KCNH5: variants seen among roughly 807,000 people sequenced by gnomAD.
KCNH5 encodes the protein voltage-gated delayed rectifier potassium channel KCNH5.
Under a neutral mutation model 96.1 loss-of-function variants are expected in KCNH5, and 46 were observed. That is an observed-to-expected ratio of 0.48 (90% CI 0.38 to 0.61). The LOEUF (loss-of-function observed/expected upper bound fraction) is 0.61. Among genes scored for constraint, KCNH5 ranks in the 20% least tolerant of loss-of-function variants. KCNH5 has a pLI of 0.00. For synonymous variants in KCNH5, 439 were observed against 449.8 expected, an observed-to-expected ratio of 0.98 and a Z score of 0.30; for missense variants, 907 against 1,225.8, an observed-to-expected ratio of 0.74 and a Z score of 3.88.
At chr14:62,966,845 G>C (rs1890314245) in intron 6 of KCNH5, among the ~76,000 whole-genome samples, 1 of 152,012 alleles carries the variant, frequency 6.6e-6, no homozygotes, top group Admixed American at 6.6e-5. Flanking sequence ...CACTCCCCTA[G>C]CCACTCCCTG....
At chr14:62,805,629 A>G (rs1204114801) in intron 8 of KCNH5, among the ~76,000 whole-genome samples, 1 of 152,190 alleles carries the variant, frequency 6.6e-6, no homozygotes, top group Non-Finnish European at 1.5e-5. Flanking sequence ...ATTATCATTC[A>G]AGACCTGGCC....
chr14:62,775,732 T>C (rs1439816183), intron 10 of KCNH5, among the ~76,000 whole-genome samples: 1 of 152,228 alleles, frequency 6.6e-6, no homozygotes, highest in Non-Finnish European at 1.5e-5. Flanking sequence ...ATGCCCACTG[T>C]TGTCCCCATT....
chr14:62,843,330 C>A (rs1887622976), intron 8 of KCNH5, among the ~76,000 whole-genome samples: 1 of 150,804 alleles, frequency 6.6e-6, no homozygotes, highest in Admixed American at 6.6e-5. Context: ...TTTCTTGATT[C>A]AAAGGCTAGA....
At chr14:62,859,377 G>A (rs1433923516) in intron 7 of KCNH5, among the ~76,000 whole-genome samples, 2 of 152,134 alleles carry the variant, frequency 1.3e-5, no homozygotes, top group African/African-American at 4.8e-5. Flanking sequence ...TTTGTTCATG[G>A]GCGATGACGG....
intron 7 of KCNH5, among the ~76,000 whole-genome samples, chr14:62,860,783 C>T (rs542275462): frequency 6.6e-6 from 1 of 152,320 alleles, no homozygotes; most frequent in East Asian, 1.9e-4. Context: ...CAAAGGCTAA[C>T]TTAGTCACTA....
intron 8 of KCNH5, among the ~76,000 whole-genome samples, chr14:62,817,893 T>C (rs1887025789): frequency 8.0e-6 from 1 of 124,516 alleles, no homozygotes; most frequent in Admixed American, 8.7e-5. Flanking sequence ...TAAATATAAA[T>C]ATAAATATAA....
chr14:62,999,606 C>T (rs1254210862), intron 4 of KCNH5, among the ~76,000 whole-genome samples: 7 of 149,738 alleles, frequency 4.7e-5, no homozygotes, highest in South Asian at 2.1e-4. Context: ...AGTAAACTAT[C>T]GCAAGGACAA....
chr14:62,820,882 A>G (rs1192196549), intron 8 of KCNH5, among the ~76,000 whole-genome samples: 2 of 151,964 alleles, frequency 1.3e-5, no homozygotes, highest in Non-Finnish European at 2.9e-5. Context: ...TCAAATTTAT[A>G]TTCTTTGGGG....
Position 62,705,846 on chromosome 14 carries a change from T to C in KCNH5, c.*1662A>G, listed in dbSNP as rs576238160. On this transcript the variant is annotated 3_prime_UTR_variant, in exon 11 of 11. Transcript: ENST00000322893. ...TAATAGATCAAGATATCTCCTTCGATTTTGCCATCATCTTTTGCATATTGT... is the reference window on the plus strand; with the variant it reads ...TAATAGATCAAGATATCTCCTTCGACTTTGCCATCATCTTTTGCATATTGT... 6.6e-6 allele frequency: 1 copy of C among 152,198 alleles called. No homozygotes were observed. Among genetic ancestry groups the C allele is most frequent in the Admixed American group, 6.5e-5 (1 of 15,282 alleles). The allele number at this position is 152,198 out of a possible 1,614,324, so 9.4% of individuals were successfully genotyped here.
At chr14:62,837,041 G>A (rs1887479197) in intron 8 of KCNH5, among the ~76,000 whole-genome samples, 1 of 152,144 alleles carries the variant, frequency 6.6e-6, no homozygotes, top group Non-Finnish European at 1.5e-5. Flanking sequence ...TAGGATGTTT[G>A]TGATCATTAC....
chr14:62,754,588 T>G (rs1336214376), intron 10 of KCNH5, among the ~76,000 whole-genome samples: 2 of 151,648 alleles, frequency 1.3e-5, no homozygotes, highest in South Asian at 2.1e-4. Context: ...ATAAAAAAAA[T>G]AGAGCCAGGA....
chr14:62,785,421 G>A (rs1489578907), intron 9 of KCNH5, among the ~76,000 whole-genome samples: 1 of 152,106 alleles, frequency 6.6e-6, no homozygotes, highest in Non-Finnish European at 1.5e-5. Context: ...ACACTTTCAG[G>A]GCTGGGAACT....
At chr14:62,960,189 T>C (rs1890180190) in intron 6 of KCNH5, among the ~76,000 whole-genome samples, 1 of 152,198 alleles carries the variant, frequency 6.6e-6, no homozygotes. Flanking sequence ...CTCAGCCTAG[T>C]TGGCTCTATC....
At chr14:63,039,177 C>G (rs1439181880) in intron 1 of KCNH5, among the ~76,000 whole-genome samples, 1 of 152,000 alleles carries the variant, frequency 6.6e-6, no homozygotes, top group African/African-American at 2.4e-5. Context: ...TATATGGTTT[C>G]TAACCCACCA....
intron 10 of KCNH5, among the ~76,000 whole-genome samples, chr14:62,769,093 G>C (rs1199206652): frequency 1.3e-5 from 2 of 152,184 alleles, no homozygotes; most frequent in East Asian, 1.9e-4. Context: ...GCTTGGAGTT[G>C]AAAAACTGAG....
At chr14:63,022,025 C>CA (rs1384219678) in intron 1 of KCNH5, among the ~76,000 whole-genome samples, 2 of 152,092 alleles carry the variant, frequency 1.3e-5, no homozygotes, top group East Asian at 3.9e-4. Flanking sequence ...ATCTCCAAAC[C>CA]AAACCTCTTC....
At chr14:62,832,583 T>G (rs910727929) in intron 8 of KCNH5, among the ~76,000 whole-genome samples, 1 of 152,164 alleles carries the variant, frequency 6.6e-6, no homozygotes, top group Non-Finnish European at 1.5e-5. Flanking sequence ...AATATAAACA[T>G]CTGATATTTT....
rs113023372 is a variant in KCNH5 at position 63,029,464 on chromosome 14, T to C, written c.74-12510A>G. ...AAAAAGCATTTATAAGCTATTACTA[T>C]TATGTACAAGATTAAGTTACTGAGT... On this transcript the variant is annotated intron_variant, in intron 1 of 10. Transcript: ENST00000322893. Among the ~76,000 whole-genome samples, 581 of 152,262 alleles carry C rather than the reference T, an allele frequency of 3.8e-3. 5 individuals are homozygous for C. Among genetic ancestry groups the C allele is most frequent in the African/African-American group, 0.013 (559 of 41,544 alleles).
chr14:62,923,911 A>G (rs1889424599), intron 7 of KCNH5, among the ~76,000 whole-genome samples: 1 of 151,972 alleles, frequency 6.6e-6, no homozygotes, highest in South Asian at 2.1e-4. Context: ...TGGTCTTGGC[A>G]ATGATTTTTT....
Sources: gnomAD v4.1 joint callset for allele counts (sites outside exome capture counted in the v4.1 genomes callset) on GRCh38, gnomAD v4.1.1 for gene constraint, MANE v1.5 for transcripts, NCBI Gene and HGNC (gene_info 2026-07-23, HGNC 2026-07-21) for gene names.